The following SMURF1 variants were observed in gnomAD, a reference collection of about 807,000 sequenced individuals.
SMURF1 encodes E3 ubiquitin-protein ligase SMURF1.
SMURF1 carries 44 observed loss-of-function variants against 98.0 expected under a neutral mutation model. That is an observed-to-expected ratio of 0.45 (90% CI 0.35 to 0.58). The LOEUF is 0.58. Ranked by LOEUF, SMURF1 falls within the 20% of genes least tolerant of loss-of-function variation. The probability of loss-of-function intolerance (pLI) is 0.00; values close to 1 mark genes in which losing one functional copy is unlikely to be tolerated. For synonymous variants in SMURF1, 396 were observed against 374.9 expected (o/e 1.06, Z -0.65); for missense variants, 687 against 938.4 (o/e 0.73, Z 3.50).
chr7:99,091,847 A>G (rs891870877), intron 1 of SMURF1, among the ~76,000 whole-genome samples: 1 of 152,198 alleles, frequency 6.6e-6, no homozygotes, highest in African/African-American at 2.4e-5. Flanking sequence ...TGGATGCATT[A>G]GGTGCAATTA....
intron 7 of SMURF1, 136 bp downstream of exon 7, chr7:99,052,069 A>T: frequency 8.0e-7 from 1 of 1,248,070 alleles, no homozygotes; most frequent in Non-Finnish European, 1.1e-6. Context: ...AGGGAGGTCA[A>T]GGCTGCCGTG....
rs2116913874 is a variant in SMURF1, at chr7:99,028,901, C to T, written c.*1683G>A. The T allele has an allele frequency of 6.6e-6, 1 of 152,334 alleles. No individual in the cohort carries two copies. The highest frequency in any genetic ancestry group is 2.4e-5 in the African/African-American group (1 of 41,570). The allele number at this position is 152,334 out of a possible 1,614,324, so 9.4% of individuals were successfully genotyped here. Reference sequence around the variant, plus strand: ...CTGGATACAGCCACTGGGGAACGGGCTTCTAGAACACCCTCAGGAAGCATC... The same window carrying T: ...CTGGATACAGCCACTGGGGAACGGGTTTCTAGAACACCCTCAGGAAGCATC... On this transcript the variant is annotated 3_prime_UTR_variant, in exon 18 of 18. Coordinates refer to ENST00000361368, the MANE Select transcript of SMURF1 (RefSeq NM_181349.3).
In SMURF1 at chr7:99,047,846, C is replaced by T; in HGVS notation, c.990G>A (p.Leu330=). The T allele has an allele frequency of 6.2e-7, 1 of 1,614,166 alleles. No individual in the cohort carries two copies. Among genetic ancestry groups the T allele is most frequent in the Non-Finnish European group, 8.5e-7 (1 of 1,180,046 alleles). The change falls in exon 10 of 18, where the codon CTG becomes CTA. Residue 330 remains leucine (L), a synonymous_variant. Transcript: ENST00000361368. ...CCAGAGAGCCCTCACTGGGCAGTGGCAGCGGCTGGCTGGGCTCCTTGAGTT... is the reference window on the plus strand; with the variant it reads ...CCAGAGAGCCCTCACTGGGCAGTGGTAGCGGCTGGCTGGGCTCCTTGAGTT... ...QCQLKEPSQP[L]PLPSEGSLED...
intron 11 of SMURF1, among the ~76,000 whole-genome samples, chr7:99,045,187 A>G (rs1017437099): frequency 6.6e-6 from 1 of 152,214 alleles, no homozygotes; most frequent in African/African-American, 2.4e-5. Context: ...AAGAAGCAGG[A>G]CATGAAATAG....
chr7:99,142,892 G>A (rs1798161981), intron 1 of SMURF1, among the ~76,000 whole-genome samples: 1 of 150,596 alleles, frequency 6.6e-6, no homozygotes, highest in Non-Finnish European at 1.5e-5. Flanking sequence ...AAAGCGAGGG[G>A]GCAGGTGGGC....
chr7:99,043,739 C>G (rs1795471707), intron 11 of SMURF1, among the ~76,000 whole-genome samples: 1 of 152,188 alleles, frequency 6.6e-6, no homozygotes, highest in African/African-American at 2.4e-5. Context: ...CAGCTGTGAA[C>G]AAGACAAGTT....
At chr7:99,032,661 T>C (rs1794951908) in intron 17 of SMURF1, among the ~76,000 whole-genome samples, 1 of 152,238 alleles carries the variant, frequency 6.6e-6, no homozygotes, top group Admixed American at 6.5e-5. Flanking sequence ...AAAGCAAGAC[T>C]GTCTCAAAAA....
At chr7:99,132,697 C>T (rs894193273) in intron 1 of SMURF1, among the ~76,000 whole-genome samples, 1 of 114,230 alleles carries the variant, frequency 8.8e-6, no homozygotes, top group African/African-American at 4.3e-5. Flanking sequence ...CACAGACACA[C>T]GGACACACAC....
At chr7:99,031,738 A>C (rs1794895753) in intron 17 of SMURF1, among the ~76,000 whole-genome samples, 1 of 152,196 alleles carries the variant, frequency 6.6e-6, no homozygotes. Flanking sequence ...CCAAGTTAGA[A>C]TATGAAGTCA....
rs544222831 is a variant in SMURF1 at position 99,115,761 on chromosome 7, G to C, written c.55+27965C>G. 5.3e-5 allele frequency among the ~76,000 whole-genome samples: 8 copies of C among 152,076 alleles called. No individual in the cohort carries two copies. In the East Asian group the frequency reaches 1.5e-3, roughly 29 times the overall value. ...AATTTTTTAAAGACTCAAGAAGAAA[G>C]AGCAAAATGAATAGACCTATAACAA... On this transcript the variant is annotated intron_variant, in intron 1 of 17. Transcript: ENST00000361368.
At chr7:99,037,226 G>A (rs756482024) in intron 14 of SMURF1, 39 bp from the exon 15 acceptor site, 1 of 1,612,754 alleles carries the variant, frequency 6.2e-7, no homozygotes, top group South Asian at 1.1e-5. Flanking sequence ...AACACCAAGT[G>A]GATTTTCCGC....
At chr7:99,110,928 T>G (rs1563033286) in intron 1 of SMURF1, among the ~76,000 whole-genome samples, 3 of 152,132 alleles carry the variant, frequency 2.0e-5, no homozygotes. Flanking sequence ...AATACACAAG[T>G]GGTAGACATA....
At chr7:99,095,473 T>C (rs1796938181) in intron 1 of SMURF1, among the ~76,000 whole-genome samples, 1 of 152,196 alleles carries the variant, frequency 6.6e-6, no homozygotes, top group African/African-American at 2.4e-5. Context: ...AAGGTAGCAA[T>C]TATGGTTTTT....
chr7:99,042,002 A>G (rs1281657106), intron 12 of SMURF1, 116 bp downstream of exon 12: 1 of 790,546 alleles, frequency 1.3e-6, no homozygotes, highest in African/African-American at 1.7e-5. Flanking sequence ...TGTTTTGCTT[A>G]CCACTGTCTT....
At chr7:99,067,954 C>G (rs572527026) in intron 1 of SMURF1, among the ~76,000 whole-genome samples, 2 of 152,002 alleles carry the variant, frequency 1.3e-5, no homozygotes, top group African/African-American at 2.4e-5. Context: ...ACTATCCCCC[C>G]CACCAAAAAA....
intron 3 of SMURF1, among the ~76,000 whole-genome samples, chr7:99,059,270 C>T (rs1184325137): frequency 1.4e-5 from 2 of 146,756 alleles, no homozygotes; most frequent in Admixed American, 6.8e-5. Flanking sequence ...TAGTGGCGGG[C>T]GCCTGTAGTC....
At chr7:99,092,862 A>C (rs1796846978) in intron 1 of SMURF1, among the ~76,000 whole-genome samples, 1 of 152,186 alleles carries the variant, frequency 6.6e-6, no homozygotes. Context: ...CTTGAGGATC[A>C]CAGGACCCTA....
chr7:99,131,751 C>T (rs1797876809), intron 1 of SMURF1, among the ~76,000 whole-genome samples: 1 of 151,826 alleles, frequency 6.6e-6, no homozygotes, highest in South Asian at 2.1e-4. Flanking sequence ...GAAAAGAGGC[C>T]CTTTCTGCTA....
rs1794832835 is a variant in SMURF1 at position 99,030,440 on chromosome 7, C to G, written c.*144G>C. 5.7e-6 allele frequency: 4 copies of G among 697,146 alleles called. No individual in the cohort carries two copies. The South Asian group carries it at 7.1e-5, about 12-fold the overall frequency. 43.2% of individuals were successfully genotyped at this position (697,146 alleles called of 1,614,324 possible). ...CAACAAAAGTCCCCCATCCCCCTCC[C>G]CCAACAGAAAGGAGAGAGACAACCC... is the stretch of plus-strand genomic sequence containing the variant. On this transcript the variant is annotated 3_prime_UTR_variant, in exon 18 of 18. Coordinates refer to ENST00000361368, the MANE Select transcript of SMURF1 (RefSeq NM_181349.3).
Sources: gnomAD v4.1 joint callset for allele counts (sites outside exome capture counted in the v4.1 genomes callset) on GRCh38, gnomAD v4.1.1 for gene constraint, MANE v1.5 for transcripts, NCBI Gene and HGNC (gene_info 2026-07-23, HGNC 2026-07-21) for gene names.